ZFHX3: variants seen among roughly 807,000 people sequenced by gnomAD.
The protein encoded by ZFHX3 is zinc finger homeobox protein 3.
ZFHX3 carries 42 observed loss-of-function variants against 279.1 expected under a neutral mutation model. The ratio of observed to expected loss-of-function variants is 0.15; its 90% CI spans 0.12 to 0.19. The LOEUF (loss-of-function observed/expected upper bound fraction) is 0.19. ZFHX3 is among the 10% of genes least tolerant of loss of function. ZFHX3 has a pLI of 1.00. For missense variants in ZFHX3, 4,981 were observed against 4,754.0 expected, an observed-to-expected ratio of 1.05 and a Z score of -1.40; for synonymous variants, 2,293 against 1,957.8, an observed-to-expected ratio of 1.17 and a Z score of -4.52.
At chr16:72,948,200 T>C (rs1438657495) in intron 3 of ZFHX3, among the ~76,000 whole-genome samples, 2 of 152,196 alleles carry the variant, frequency 1.3e-5, no homozygotes, top group East Asian at 1.9e-4. Flanking sequence ...ACTAGACTAA[T>C]GACCTTTGGC....
chr16:73,782,324 C>G (rs558172786), intron 1 of ZFHX3, among the ~76,000 whole-genome samples: 2 of 152,160 alleles, frequency 1.3e-5, no homozygotes, highest in East Asian at 3.9e-4. Flanking sequence ...GGTCACAGAA[C>G]GCTTTGGAGA....
intron 3 of ZFHX3, among the ~76,000 whole-genome samples, chr16:73,419,727 T>G (rs1203503761): frequency 1.3e-5 from 2 of 151,704 alleles, no homozygotes; most frequent in Middle Eastern, 3.2e-3. Flanking sequence ...GGATCATAGG[T>G]GCGCCCCTCC....
At chr16:73,046,244 G>T (rs1032853938) in intron 1 of ZFHX3, among the ~76,000 whole-genome samples, 2 of 152,176 alleles carry the variant, frequency 1.3e-5, no homozygotes, top group Non-Finnish European at 2.9e-5. Context: ...ATTTGGAACC[G>T]TGGTCTCCTG....
At chr16:73,191,738 C>A in intron 5 of ZFHX3, among the ~76,000 whole-genome samples, 1 of 150,214 alleles carries the variant, frequency 6.7e-6, no homozygotes, top group East Asian at 1.9e-4. Context: ...TTTTTTTCTG[C>A]GGGAAGACAA....
chr16:72,939,383 C>G (rs527567421), intron 3 of ZFHX3, among the ~76,000 whole-genome samples: 4 of 152,306 alleles, frequency 2.6e-5, no homozygotes, highest in African/African-American at 9.6e-5. Flanking sequence ...AAGCCCTGTT[C>G]GAAACCAGCA....
chr16:73,324,378 T>C (rs752573716), intron 3 of ZFHX3, among the ~76,000 whole-genome samples: 3 of 152,216 alleles, frequency 2.0e-5, no homozygotes, highest in Non-Finnish European at 2.9e-5. Flanking sequence ...TTGACTACAG[T>C]TAACCAATAC....
At chr16:72,839,194 T>G (rs1013019434) in intron 4 of ZFHX3, among the ~76,000 whole-genome samples, 2 of 149,588 alleles carry the variant, frequency 1.3e-5, no homozygotes, top group African/African-American at 2.4e-5. Flanking sequence ...CATCTCTCCC[T>G]TCCCCCCCCC....
intron 3 of ZFHX3, among the ~76,000 whole-genome samples, chr16:72,894,804 A>G (rs766150383): frequency 1.3e-5 from 2 of 152,172 alleles, no homozygotes; most frequent in African/African-American, 4.8e-5. Flanking sequence ...CCAGGCAGGA[A>G]ATTTTTCTCC....
intron 6 of ZFHX3, among the ~76,000 whole-genome samples, chr16:73,132,342 AC>A (rs1485580883): frequency 6.6e-6 from 1 of 151,994 alleles, no homozygotes; most frequent in African/African-American, 2.4e-5. Flanking sequence ...TTTAGAGAGG[AC>A]CCAAACTTGT....
intron 7 of ZFHX3, among the ~76,000 whole-genome samples, chr16:73,120,214 GTAA>G (rs1966479912): frequency 6.6e-6 from 1 of 151,980 alleles, no homozygotes; most frequent in African/African-American, 2.4e-5. Context: ...TTGAATCACA[GTAA>G]TATTAAGCTG....
chr16:73,852,146 A>C (rs1961607895), intron 1 of ZFHX3, among the ~76,000 whole-genome samples: 1 of 152,232 alleles, frequency 6.6e-6, no homozygotes, highest in Non-Finnish European at 1.5e-5. Flanking sequence ...TGGATTTTCC[A>C]GAAATGCAAC....
At chr16:73,356,983 C>T (rs2016352838) in intron 3 of ZFHX3, among the ~76,000 whole-genome samples, 1 of 151,872 alleles carries the variant, frequency 6.6e-6, no homozygotes, top group African/African-American at 2.4e-5. Flanking sequence ...TGAGTGTGTG[C>T]CCCATACCAC....
intron 4 of ZFHX3, among the ~76,000 whole-genome samples, chr16:72,886,855 C>A (rs72795112): frequency 0.022 from 3,339 of 152,346 alleles, 56 homozygotes; most frequent in Middle Eastern, 0.041. Flanking sequence ...TCAGGCCCAT[C>A]CTCGTCCCTT....
chr16:73,104,215 T>TTTTATGTA (rs1966266134), intron 7 of ZFHX3, among the ~76,000 whole-genome samples: 1 of 87,628 alleles, frequency 1.1e-5, no homozygotes, highest in South Asian at 4.1e-4. Flanking sequence ...TATGGATTTA[T>TTTTATGTA]TTTATGTATT....
chr16:73,227,876 C>T, intron 5 of ZFHX3, among the ~76,000 whole-genome samples: 1 of 111,212 alleles, frequency 9.0e-6, no homozygotes, highest in East Asian at 2.9e-4. Flanking sequence ...AAAAAAAAGA[C>T]ATCGAAGCTG....
At chr16:73,838,419 G>A (rs1338068050) in intron 1 of ZFHX3, among the ~76,000 whole-genome samples, 1 of 152,160 alleles carries the variant, frequency 6.6e-6, no homozygotes, top group Non-Finnish European at 1.5e-5. Context: ...CCTCTTGCCA[G>A]CTCAAAAAAT....
At chr16:73,118,197 A>C (rs1966454369) in intron 7 of ZFHX3, among the ~76,000 whole-genome samples, 1 of 151,922 alleles carries the variant, frequency 6.6e-6, no homozygotes, top group Admixed American at 6.6e-5. Flanking sequence ...GGTCTTAATT[A>C]TTTTTTGTTC....
chr16:73,633,897 C>T (rs1420352897), intron 2 of ZFHX3, among the ~76,000 whole-genome samples: 4 of 114,820 alleles, frequency 3.5e-5, no homozygotes, highest in African/African-American at 1.2e-4. Flanking sequence ...GACTCCATCA[C>T]AAAAAAAAAA....
chr16:72,788,568 G>A lies in ZFHX3; in HGVS notation c.9708C>T (p.Asp3236=). The A allele has an allele frequency of 6.2e-7, 1 of 1,614,026 alleles. No homozygotes were observed. The highest frequency in any genetic ancestry group is 8.5e-7 in the Non-Finnish European group (1 of 1,179,980). ...TTTCCTTCTCCTTTACTTTCTCACT[G>A]TCTTTGTCCTTGCGTTGCTGCTGCT... ...LQQQQQRKDK[D]SEKVKEKEKA... is the part of the protein sequence containing the mutation. Residue 3236 remains aspartate, a synonymous_variant, in exon 10 of 10, where the codon GAC becomes GAT. Coordinates refer to ENST00000268489, the MANE Select transcript of ZFHX3 (RefSeq NM_006885.4).
Sources: allele counts gnomAD v4.1 joint callset (sites outside exome capture counted in the v4.1 genomes callset), GRCh38; gene constraint gnomAD v4.1.1; transcripts MANE v1.5; gene names NCBI Gene and HGNC (gene_info 2026-07-23, HGNC 2026-07-21).